DRC5: variants seen among roughly 807,000 people sequenced by gnomAD.
DRC5 encodes dynein regulatory complex subunit 5.
the DRC5 span, among the ~76,000 whole-genome samples, chr6:44,290,165 T>G: frequency 1.3e-5 from 2 of 152,210 alleles, no homozygotes. Flanking sequence ...TAATGGCATC[T>G]CAGAGTGTAG....
chr6:44,281,977 G>T, the DRC5 span: 1 of 842,550 alleles, frequency 1.2e-6, no homozygotes, highest in Non-Finnish European at 1.8e-6. Context: ...ATAATCATTG[G>T]GATACACAGT....
the DRC5 span, among the ~76,000 whole-genome samples, chr6:44,290,915 G>A: frequency 6.6e-6 from 1 of 152,182 alleles, no homozygotes; most frequent in African/African-American, 2.4e-5. Flanking sequence ...GGTGACTCTA[G>A]TCCCACCGTC....
the DRC5 span, among the ~76,000 whole-genome samples, chr6:44,293,639 C>T: frequency 6.6e-6 from 1 of 152,264 alleles, no homozygotes; most frequent in Middle Eastern, 3.4e-3. Flanking sequence ...CACTACCCCT[C>T]CACAGTCACT....
chr6:44,292,025 C>A, the DRC5 span, among the ~76,000 whole-genome samples: 1 of 152,078 alleles, frequency 6.6e-6, no homozygotes, highest in South Asian at 2.1e-4. Context: ...ACAGCTTCAG[C>A]TGTTAGGCAT....
At chr6:44,280,535 C>A in the DRC5 span, 1 of 634,918 alleles carries the variant, frequency 1.6e-6, no homozygotes, top group Non-Finnish European at 2.7e-6. Flanking sequence ...ATGACATATT[C>A]TGTTCTTTTC....
the DRC5 span, among the ~76,000 whole-genome samples, chr6:44,295,554 C>T: frequency 6.6e-6 from 1 of 152,162 alleles, no homozygotes; most frequent in African/African-American, 2.4e-5. Context: ...CATGCCCAAG[C>T]ACAGGTAATA....
At chr6:44,286,501 T>C in the DRC5 span, 1 of 1,613,808 alleles carries the variant, frequency 6.2e-7, no homozygotes, top group South Asian at 1.1e-5. Context: ...TCTGCTGGTG[T>C]TCCGGGAGCA....
the DRC5 span, chr6:44,282,669 T>A: frequency 1.1e-6 from 1 of 880,046 alleles, no homozygotes; most frequent in Non-Finnish European, 1.7e-6. Flanking sequence ...TGGCTGGGTC[T>A]TGGAGGGGGC....
the DRC5 span, chr6:44,287,400 G>C: frequency 4.0e-6 from 4 of 992,428 alleles, no homozygotes; most frequent in Non-Finnish European, 4.3e-6. Flanking sequence ...TGGGTGGAAG[G>C]GAAGTGTTGA....
At chr6:44,289,021 AAG>A in the DRC5 span, among the ~76,000 whole-genome samples, 1 of 143,310 alleles carries the variant, frequency 7.0e-6, no homozygotes, top group African/African-American at 2.5e-5. Context: ...AAAAAAAAAA[AAG>A]AAAAACAGGT....
At chr6:44,295,548 C>A in the DRC5 span, among the ~76,000 whole-genome samples, 1 of 152,178 alleles carries the variant, frequency 6.6e-6, no homozygotes, top group African/African-American at 2.4e-5. Context: ...TCTTTCCATG[C>A]CCAAGCACAG....
chr6:44,291,359 A>T, the DRC5 span, among the ~76,000 whole-genome samples: 132 of 152,324 alleles, frequency 8.7e-4, no homozygotes, highest in Non-Finnish European at 1.6e-3. Context: ...CTAAGTGTTT[A>T]AAAAAATCTA....
the DRC5 span, chr6:44,287,225 T>C: frequency 4.0e-5 from 39 of 985,364 alleles, no homozygotes; most frequent in East Asian, 4.1e-3. Flanking sequence ...AGAGGGCGGT[T>C]CACTTGGGAA....
chr6:44,286,416 G>GC, the DRC5 span: 1 of 1,614,220 alleles, frequency 6.2e-7, no homozygotes, highest in Non-Finnish European at 8.5e-7. Flanking sequence ...CAGCAGCGGA[G>GC]CCAGTAGTTC....
At chr6:44,282,283 C>G in the DRC5 span, 1 of 1,614,170 alleles carries the variant, frequency 6.2e-7, no homozygotes, top group South Asian at 1.1e-5. Context: ...CCCTCATCCT[C>G]GATGCAGTTG....
chr6:44,282,118 TGTG>T, the DRC5 span: 19 of 1,610,404 alleles, frequency 1.2e-5, no homozygotes, highest in Middle Eastern at 3.3e-4. Context: ...ACCAGCCCGA[TGTG>T]GTTGCAGGAC....
At chr6:44,280,474 G>T in the DRC5 span, 1 of 993,516 alleles carries the variant, frequency 1.0e-6, no homozygotes, top group Non-Finnish European at 1.5e-6. Flanking sequence ...AGGTAGATGT[G>T]ACTAAAACAA....
At chr6:44,279,464 AC>A in the DRC5 span, 2 of 152,146 alleles carry the variant, frequency 1.3e-5, no homozygotes, top group Non-Finnish European at 2.9e-5. Context: ...CCAGTGTGGC[AC>A]TTCTTTCCCT....
At chr6:44,282,618 C>T in the DRC5 span, 1 of 1,489,138 alleles carries the variant, frequency 6.7e-7, no homozygotes, top group Non-Finnish European at 9.0e-7. Flanking sequence ...GCCTGCCCAC[C>T]TAGATCTTTG....
Sources: gnomAD v4.1 joint callset for allele counts (sites outside exome capture counted in the v4.1 genomes callset) on GRCh38, gnomAD v4.1.1 for gene constraint, MANE v1.5 for transcripts, NCBI Gene and HGNC (gene_info 2026-07-23, HGNC 2026-07-21) for gene names.